CDK8: variants seen among roughly 807,000 people sequenced by gnomAD.
CDK8 encodes the protein cyclin dependent kinase 8.
In CDK8, 29 loss-of-function variants were observed where a neutral mutation model predicts 71.5. The ratio of observed to expected loss-of-function variants is 0.41; its 90% CI spans 0.30 to 0.55. CDK8 has a LOEUF of 0.55. CDK8 is among the 20% of genes least tolerant of loss of function. The probability of loss-of-function intolerance (pLI) is 0.37; values close to 1 mark genes in which losing one functional copy is unlikely to be tolerated. For synonymous variants in CDK8, 161 were observed against 192.1 expected, an observed-to-expected ratio of 0.84 and a Z score of 1.34; for missense variants, 288 against 572.6, an observed-to-expected ratio of 0.50 and a Z score of 5.07.
At chr13:26,350,194 A>C (rs1231682271) in intron 3 of CDK8, among the ~76,000 whole-genome samples, 1 of 152,206 alleles carries the variant, frequency 6.6e-6, no homozygotes, top group Non-Finnish European at 1.5e-5. Context: ...GTGATGCATG[A>C]CTGTATTGTA....
In CDK8 at chr13:26,393,416, A is replaced by G. The variant is rs375527784; in HGVS notation, c.696A>G (p.Pro232=). 6.2e-7 allele frequency: 1 copy of G among 1,612,306 alleles called. No individual in the cohort carries two copies. Among genetic ancestry groups the G allele is most frequent in the African/African-American group, 1.3e-5 (1 of 74,822 alleles). ...CIFAELLTSE[P]IFHCRQEDIK... is the part of the protein sequence containing the mutation. ...TTGCAGAACTACTAACGTCAGAACC[A>G]ATATTTCACTGTCGACAAGAGGACA... The change falls in exon 7 of 13, where the codon CCA becomes CCG. Residue 232 remains proline (P), a synonymous_variant. Transcript: ENST00000381527.
chr13:26,322,494 A>G lies in CDK8; in HGVS notation c.129-15073A>G, dbSNP rs138273224. 2.6e-4 allele frequency among the ~76,000 whole-genome samples: 39 copies of G among 152,100 alleles called. 1 individual carries two copies. The East Asian group carries it at 6.4e-3, about 25-fold the overall frequency. On this transcript the variant is annotated intron_variant, in intron 1 of 12. Transcript: ENST00000381527. ...TACAGTGAGTCCTTAATCCACTTCT[A>G]TCTTATGTGTAATTGGGGGTGGGGT...
At chr13:26,375,987 G>T (rs964099807) in intron 4 of CDK8, among the ~76,000 whole-genome samples, 10 of 152,262 alleles carry the variant, frequency 6.6e-5, no homozygotes, top group African/African-American at 1.9e-4. Flanking sequence ...AAAAGTAGGG[G>T]GTGGGAGTGG....
rs115834371 is a variant in CDK8 at position 26,366,138 on chromosome 13, A to G, written c.456+12258A>G. ...TTATCTCAGCTAAAGCTGTTATCTAAACCTATTTTAAGTTATTGGTGCCAT... is the reference window on the plus strand; with the variant it reads ...TTATCTCAGCTAAAGCTGTTATCTAGACCTATTTTAAGTTATTGGTGCCAT... On this transcript the variant is annotated intron_variant, in intron 4 of 12. Transcript: ENST00000381527. Among the ~76,000 whole-genome samples the G allele has an allele frequency of 6.6e-3, 1,005 of 152,240 alleles. 10 individuals are homozygous for G. The highest frequency in any genetic ancestry group is 0.021 in the African/African-American group (871 of 41,560).
In CDK8 at chr13:26,353,721, A is replaced by AT. The variant is rs750914912; in HGVS notation, c.316-12dup. The AT allele has an allele frequency of 1.9e-6, 3 of 1,578,048 alleles. No individual in the cohort carries two copies. In the South Asian group the frequency reaches 3.5e-5, roughly 18 times the overall value. On this transcript the variant is annotated intron_variant, in intron 3 of 12. Transcript: ENST00000381527. ...TTCCTTTTTTTAAGCTTCTGTTGAT[A>AT]TTTTTTTCTTTCTTTCAGCATATAA... is the stretch of plus-strand genomic sequence containing the variant.
At chr13:26,270,193 C>T (rs1872237239) in intron 1 of CDK8, among the ~76,000 whole-genome samples, 1 of 151,810 alleles carries the variant, frequency 6.6e-6, no homozygotes. Context: ...AGTTTGAGAC[C>T]AGCCTAATCA....
At chr13:26,311,287 T>C (rs1874274530) in intron 1 of CDK8, among the ~76,000 whole-genome samples, 1 of 152,176 alleles carries the variant, frequency 6.6e-6, no homozygotes, top group South Asian at 2.1e-4. Flanking sequence ...CTTTACCGTA[T>C]ATTTTTGTTC....
At chr13:26,387,718 C>CT (rs1352536779) in intron 6 of CDK8, among the ~76,000 whole-genome samples, 4 of 152,324 alleles carry the variant, frequency 2.6e-5, no homozygotes, top group African/African-American at 9.6e-5. Context: ...CTTCTCTGAA[C>CT]TGTCTTGTCT....
intron 1 of CDK8, among the ~76,000 whole-genome samples, chr13:26,297,768 A>G (rs563094601): frequency 3.7e-4 from 57 of 152,206 alleles, no homozygotes; most frequent in Admixed American, 1.2e-3. Flanking sequence ...GATATATTGC[A>G]TGTGTCTTAC....
intron 1 of CDK8, among the ~76,000 whole-genome samples, chr13:26,268,478 G>T (rs1872143893): frequency 6.6e-6 from 1 of 151,988 alleles, no homozygotes; most frequent in African/African-American, 2.4e-5. Flanking sequence ...ACCACATCTG[G>T]CTAATTATTG....
At chr13:26,305,217 A>G (rs888352989) in intron 1 of CDK8, among the ~76,000 whole-genome samples, 5 of 152,110 alleles carry the variant, frequency 3.3e-5, no homozygotes, top group Non-Finnish European at 5.9e-5. Flanking sequence ...ATCTTGAAGG[A>G]TATTTCTCTT....
intron 1 of CDK8, among the ~76,000 whole-genome samples, chr13:26,283,478 C>T (rs547598936): frequency 3.3e-5 from 5 of 151,844 alleles, no homozygotes; most frequent in South Asian, 2.1e-4. Flanking sequence ...CGTGGTGGCA[C>T]GTGCCTGTAG....
At chr13:26,271,272 T>A (rs1207584739) in intron 1 of CDK8, among the ~76,000 whole-genome samples, 1 of 152,134 alleles carries the variant, frequency 6.6e-6, no homozygotes, top group Non-Finnish European at 1.5e-5. Flanking sequence ...GGATACTTTC[T>A]GAGAAATGCA....
intron 1 of CDK8, among the ~76,000 whole-genome samples, chr13:26,273,003 T>C (rs1271888739): frequency 6.6e-6 from 1 of 152,216 alleles, no homozygotes; most frequent in Non-Finnish European, 1.5e-5. Flanking sequence ...TTTTTGCTTT[T>C]GTGGCTGTGT....
chr13:26,296,405 C>T (rs180869090), intron 1 of CDK8, among the ~76,000 whole-genome samples: 185 of 152,268 alleles, frequency 1.2e-3, no homozygotes, highest in African/African-American at 4.4e-3. Flanking sequence ...AAATCTTCCT[C>T]CTTTCTAGAC....
rs1455955216 is a variant in CDK8 at position 26,382,794 on chromosome 13, A to C, written c.457-20A>C. Reference sequence around the variant, plus strand: ...AACCACTACTGTCTACTGAAAAAAAACACTATTTTGTTTCCACAGAAACCT... The same window carrying C: ...AACCACTACTGTCTACTGAAAAAAACCACTATTTTGTTTCCACAGAAACCT... On this transcript the variant is annotated intron_variant, in intron 4 of 12. Transcript: ENST00000381527. The C allele has an allele frequency of 2.6e-6, 4 of 1,554,534 alleles. No individual in the cohort carries two copies. The highest frequency in any genetic ancestry group is 1.9e-5 in the Admixed American group (1 of 52,730).
chr13:26,341,297 T>C (rs2137979727), intron 2 of CDK8, among the ~76,000 whole-genome samples: 1 of 152,206 alleles, frequency 6.6e-6, no homozygotes, highest in Middle Eastern at 3.4e-3. Context: ...CAGCTAATGT[T>C]TATATTTTTA....
chr13:26,280,286 G>A (rs746118012), intron 1 of CDK8, among the ~76,000 whole-genome samples: 5 of 152,172 alleles, frequency 3.3e-5, no homozygotes, highest in Non-Finnish European at 7.3e-5. Context: ...GAAATAGCAC[G>A]AAAAGTAACC....
intron 4 of CDK8, among the ~76,000 whole-genome samples, chr13:26,379,758 C>G (rs1203425267): frequency 6.6e-6 from 1 of 152,182 alleles, no homozygotes; most frequent in Non-Finnish European, 1.5e-5. Context: ...AAAAATCAGT[C>G]ACAGCAATCT....
Sources: gnomAD v4.1 joint callset for allele counts (sites outside exome capture counted in the v4.1 genomes callset) on GRCh38, gnomAD v4.1.1 for gene constraint, MANE v1.5 for transcripts, NCBI Gene and HGNC (gene_info 2026-07-23, HGNC 2026-07-21) for gene names.